Variants in DLEU7 observed in about 807,000 individuals in gnomAD.
DLEU7 encodes deleted in lymphocytic leukemia 7.
A neutral mutation model predicts 16.0 loss-of-function variants in DLEU7; 17 were observed. The observed-to-expected ratio is 1.06, with a 90% CI of 0.73 to 1.59. The LOEUF is 1.59. DLEU7 is among the 40% of genes most tolerant of loss of function. The pLI, the probability that DLEU7 is intolerant of heterozygous loss-of-function variation, is 0.00. For missense variants in DLEU7, 308 were observed against 314.9 expected (o/e 0.98, Z 0.17); for synonymous variants, 113 against 139.8 (o/e 0.81, Z 1.35).
At chr13:50,823,689 T>A (rs1314628357) in intron 1 of DLEU7, among the ~76,000 whole-genome samples, 169 bp from the exon 2 acceptor site, 1 of 152,208 alleles carries the variant, frequency 6.6e-6, no homozygotes, top group African/African-American at 2.4e-5. Context: ...GGACCAAAGC[T>A]GATCACAACT....
rs1251381959 is a variant in DLEU7, at chr13:50,725,673, G to T, written c.460-12433C>A. The stretch of plus-strand genomic sequence containing the variant: ...GGCAGGAAAATCAAGCAGTGGTCAG[G>T]AGCGGGGGCATGGGAGGGGAAGGAG... On this transcript the variant is annotated intron_variant, in intron 1 of 1. Transcript: ENST00000400393. Among the ~76,000 whole-genome samples the T allele has an allele frequency of 7.9e-5, 12 of 152,292 alleles. 1 individual carries two copies. In the South Asian group the frequency reaches 2.3e-3, roughly 29 times the overall value.
chr13:50,748,612 C>CT (rs1874470788), intron 1 of DLEU7, among the ~76,000 whole-genome samples: 2 of 151,928 alleles, frequency 1.3e-5, no homozygotes, highest in African/African-American at 4.8e-5. Context: ...CTAGTCCCAC[C>CT]TTTTTTAAAG....
intron 1 of DLEU7, among the ~76,000 whole-genome samples, chr13:50,801,986 G>A (rs976029566): frequency 4.6e-5 from 7 of 152,032 alleles, no homozygotes; most frequent in Admixed American, 6.6e-5. Context: ...CTGGAGGTGG[G>A]CAAGGAAGGC....
At chr13:50,834,454 C>T (rs1188617534) in intron 1 of DLEU7, among the ~76,000 whole-genome samples, 1 of 151,988 alleles carries the variant, frequency 6.6e-6, no homozygotes, top group Non-Finnish European at 1.5e-5. Context: ...CTCATCATCA[C>T]TGGTCATTAG....
chr13:50,765,026 G>T (rs565824290), intron 1 of DLEU7, among the ~76,000 whole-genome samples: 2 of 152,114 alleles, frequency 1.3e-5, no homozygotes, highest in Non-Finnish European at 1.5e-5. Context: ...GGGATTACAG[G>T]CACGCACCAT....
intron 1 of DLEU7, among the ~76,000 whole-genome samples, chr13:50,716,563 C>A (rs1873443627): frequency 6.6e-6 from 1 of 152,172 alleles, no homozygotes. Flanking sequence ...TGTTCTAGAA[C>A]TGGGACTCTC....
downstream of DLEU7, chr13:50,711,297 A>G (rs1873277729): frequency 1.3e-5 from 2 of 152,246 alleles, no homozygotes; most frequent in African/African-American, 4.8e-5. Context: ...GCTTTGGCAC[A>G]TGGAGGCATT....
intron 1 of DLEU7, among the ~76,000 whole-genome samples, chr13:50,794,137 G>A (rs1162660089): frequency 6.6e-6 from 1 of 152,008 alleles, no homozygotes; most frequent in African/African-American, 2.4e-5. Flanking sequence ...TTATTTACTT[G>A]CTTATTGTTT....
rs2137708661 is a variant in DLEU7 at position 50,722,952 on chromosome 13, A to T, written c.460-9712T>A. Reference sequence around the variant, plus strand: ...CCATTGATCTTATTCAGATCTCTCCAGTTTTACTTGTACTCATTTGCAAAA... The same window carrying T: ...CCATTGATCTTATTCAGATCTCTCCTGTTTTACTTGTACTCATTTGCAAAA... On this transcript the variant is annotated intron_variant, in intron 1 of 1. Coordinates refer to the DLEU7 transcript ENST00000400393. Among the ~76,000 whole-genome samples the T allele has an allele frequency of 1.3e-5, 2 of 152,280 alleles. 1 individual carries two copies. The highest frequency in any genetic ancestry group is 3.9e-4 in the East Asian group (2 of 5,186).
chr13:50,752,052 C>CTTTTTTTTTTTTTTTT (rs200928092), intron 1 of DLEU7, among the ~76,000 whole-genome samples: 1 of 135,738 alleles, frequency 7.4e-6, no homozygotes, highest in African/African-American at 2.8e-5. Flanking sequence ...CTCTTTCAGT[C>CTTTTTTTTTTTTTTTT]TTTTTTTTTT....
At chr13:50,814,940 G>C (rs117789790) in intron 1 of DLEU7, among the ~76,000 whole-genome samples, 4,108 of 151,952 alleles carry the variant, frequency 0.027, 71 homozygotes, top group Non-Finnish European at 0.042. Flanking sequence ...CCATGTACTA[G>C]ATTTTGCCAC....
chr13:50,825,452 T>C (rs759686157), intron 1 of DLEU7, among the ~76,000 whole-genome samples: 4 of 152,230 alleles, frequency 2.6e-5, no homozygotes, highest in African/African-American at 9.6e-5. Context: ...TGTTCAGTGA[T>C]TGAATGAATG....
chr13:50,819,052 T>G (rs2137798150), downstream of DLEU7, among the ~76,000 whole-genome samples: 1 of 152,292 alleles, frequency 6.6e-6, no homozygotes, highest in Non-Finnish European at 1.5e-5. Flanking sequence ...GGGGCCACCA[T>G]TTAGCCACTA....
chr13:50,790,903 G>A (rs372177517), intron 1 of DLEU7, among the ~76,000 whole-genome samples: 3 of 152,220 alleles, frequency 2.0e-5, no homozygotes, highest in African/African-American at 7.2e-5. Context: ...GCATGTTATT[G>A]CCCAAGCTGA....
chr13:50,796,903 A>G (rs767355801), intron 1 of DLEU7, among the ~76,000 whole-genome samples: 64 of 152,156 alleles, frequency 4.2e-4, no homozygotes, highest in Non-Finnish European at 8.5e-4. Context: ...CTGTGTTGTG[A>G]GCAAGAAGTA....
At chr13:50,826,125 C>T (rs953684115) in intron 1 of DLEU7, among the ~76,000 whole-genome samples, 2 of 151,160 alleles carry the variant, frequency 1.3e-5, no homozygotes, top group Admixed American at 1.3e-4. Flanking sequence ...CCTTCTCATG[C>T]TCAATTCACA....
chr13:50,789,275 G>A (rs593407), intron 1 of DLEU7, among the ~76,000 whole-genome samples: 69,685 of 149,738 alleles, frequency 0.47, 16,816 homozygotes, highest in African/African-American at 0.56. Context: ...GAGTTCTTAT[G>A]TTGGTTCTGC....
chr13:50,759,262 T>C (rs1874854072), intron 1 of DLEU7, among the ~76,000 whole-genome samples: 1 of 152,162 alleles, frequency 6.6e-6, no homozygotes, highest in Admixed American at 6.5e-5. Context: ...CACAAAAATA[T>C]CTGACTGACA....
At chr13:50,770,705 T>G (rs186992525) in intron 1 of DLEU7, among the ~76,000 whole-genome samples, 1 of 152,344 alleles carries the variant, frequency 6.6e-6, no homozygotes, top group African/African-American at 2.4e-5. Flanking sequence ...CGCATCGATG[T>G]TCATCAGGGA....
Sources: allele counts gnomAD v4.1 joint callset (sites outside exome capture counted in the v4.1 genomes callset), GRCh38; gene constraint gnomAD v4.1.1; transcripts MANE v1.5; gene names NCBI Gene and HGNC (gene_info 2026-07-23, HGNC 2026-07-21).